The following MDN1 variants were observed in gnomAD, a reference collection of about 807,000 sequenced individuals.
MDN1 encodes midasin.
MDN1 carries 266 observed loss-of-function variants against 669.2 expected under a neutral mutation model. That is an observed-to-expected ratio of 0.40 (90% CI 0.36 to 0.44). The LOEUF (loss-of-function observed/expected upper bound fraction) is 0.44, where lower values mean the gene tolerates loss of function less well. Ranked by LOEUF, MDN1 falls within the 20% of genes least tolerant of loss-of-function variation. The pLI is 1.00. For missense variants in MDN1, 5,940 were observed against 6,754.0 expected (o/e 0.88, Z 4.22); for synonymous variants, 2,385 against 2,457.1 (o/e 0.97, Z 0.87).
At position 89,743,252 on chromosome 6, in the gene MDN1, T is replaced by G; in HGVS notation, c.4346A>C (p.Glu1449Ala). The G allele has an allele frequency of 6.2e-7, 1 of 1,614,108 alleles. No homozygotes were observed. The highest frequency in any genetic ancestry group is 8.5e-7 in the Non-Finnish European group (1 of 1,179,994). Residue 1449 changes from glutamate to alanine, a missense_variant, in exon 31 of 102, where the codon GAG becomes GCG. Around this residue, in one of 5 missense-constraint regions of MDN1, gnomAD observed 2,292 missense variants for 2,638.3 expected, o/e 0.87. Transcript: ENST00000369393. ...CTGAACCAGAGGCCCATCATGCCAC[T>G]CAAAGAGTCTTGATGTGTCAATTTC... is the stretch of plus-strand genomic sequence containing the variant. ...KEEIDTSRLF[E>A]WHDGPLVQAM...
rs762830487 is a variant in MDN1 at position 89,761,746 on chromosome 6, A to G, written c.2359T>C (p.Leu787=). 3 of 1,595,790 alleles carry G rather than the reference A, an allele frequency of 1.9e-6. No individual in the cohort carries two copies. The South Asian group carries it at 3.4e-5, about 18-fold the overall frequency. Residue 787 remains leucine, a splice_region_variant and synonymous_variant, in exon 17 of 102, where the codon TTA becomes CTA. Coordinates refer to ENST00000369393, the MANE Select transcript of MDN1 (RefSeq NM_014611.3). ...NKDGKDSETG[L]LIKEKWEAFG... Reference sequence around the variant, plus strand: ...GCTTCCCATTTCTCTTTTATGAGTAACCCTAAAAAAGAAAGACAAGAATTC... The same window carrying G: ...GCTTCCCATTTCTCTTTTATGAGTAGCCCTAAAAAAGAAAGACAAGAATTC...
intron 8 of MDN1, among the ~76,000 whole-genome samples, 197 bp downstream of exon 8, chr6:89,787,657 T>G (rs1819035803): frequency 6.7e-6 from 1 of 149,606 alleles, no homozygotes; most frequent in African/African-American, 2.5e-5. Context: ...TATTTTTAAG[T>G]CGGGGGGGGG....
At position 89,685,991 on chromosome 6, in the gene MDN1, G is replaced by C. The variant is rs764088281; in HGVS notation, c.11573-18C>G. The stretch of plus-strand genomic sequence containing the variant: ...TTTGTCATCTTTAAAAATTCAAAGA[G>C]AAAAATATATATGTTCCTTCGACCA... On this transcript the variant is annotated intron_variant, in intron 69 of 101. Coordinates refer to ENST00000369393, the MANE Select transcript of MDN1 (RefSeq NM_014611.3). The C allele has an allele frequency of 6.2e-7, 1 of 1,608,646 alleles. No individual in the cohort carries two copies. The highest frequency in any genetic ancestry group is 8.5e-7 in the Non-Finnish European group (1 of 1,178,236).
intron 75 of MDN1, 110 bp from the exon 76 acceptor site, chr6:89,677,806 G>T: frequency 7.0e-7 from 1 of 1,432,854 alleles, no homozygotes; most frequent in Non-Finnish European, 9.6e-7. Flanking sequence ...TCACCTGAGA[G>T]CTTGTTAGAA....
At chr6:89,676,712 C>A (rs987382586) in intron 76 of MDN1, among the ~76,000 whole-genome samples, 1 of 152,138 alleles carries the variant, frequency 6.6e-6, no homozygotes, top group African/African-American at 2.4e-5. Context: ...AAAAAGAATG[C>A]TTATGTAAAA....
intron 87 of MDN1, 28 bp downstream of exon 87, chr6:89,662,059 G>C (rs377404709): frequency 3.1e-6 from 5 of 1,601,034 alleles, no homozygotes; most frequent in South Asian, 1.1e-5. Context: ...TGAGTCAAGA[G>C]AGCGGATCAG....
intron 53 of MDN1, among the ~76,000 whole-genome samples, chr6:89,702,336 T>C (rs1813217428): frequency 6.6e-6 from 1 of 152,230 alleles, no homozygotes; most frequent in Admixed American, 6.5e-5. Flanking sequence ...AATTGCTGGG[T>C]CAAAGTATAG....
At chr6:89,669,196 GTCA>G (rs1810464797) in intron 83 of MDN1, among the ~76,000 whole-genome samples, 1 of 152,162 alleles carries the variant, frequency 6.6e-6, no homozygotes, top group Non-Finnish European at 1.5e-5. Context: ...TCTACAGCCT[GTCA>G]GACAAAAGCT....
intron 93 of MDN1, among the ~76,000 whole-genome samples, chr6:89,653,871 G>A (rs1482901433): frequency 6.6e-6 from 1 of 152,126 alleles, no homozygotes; most frequent in Admixed American, 6.5e-5. Context: ...CATAGCTGTA[G>A]TAAGTGTACT....
intron 53 of MDN1, among the ~76,000 whole-genome samples, chr6:89,704,774 G>T (rs1367942921): frequency 6.6e-6 from 1 of 152,140 alleles, no homozygotes; most frequent in African/African-American, 2.4e-5. Context: ...TAGAGATGGG[G>T]TTTCACCGTG....
chr6:89,750,392 TAAC>T lies in MDN1; in HGVS notation c.3365_3367del (p.Cys1122del). The T allele has an allele frequency of 6.2e-7, 1 of 1,613,648 alleles. No homozygotes were observed. The highest frequency in any genetic ancestry group is 8.5e-7 in the Non-Finnish European group (1 of 1,179,550). On this transcript the variant is annotated inframe_deletion, in exon 24 of 102. Coordinates refer to ENST00000369393, the MANE Select transcript of MDN1 (RefSeq NM_014611.3). ...AAGCTTCCCTGAGGAGTCAGACGTG[TAAC>T]AACCAATGTACTCCTGAATATCCGT...
rs766197694 is a variant in MDN1, at chr6:89,674,544, C to A, written c.12807G>T (p.Gly4269=). 5.2e-5 allele frequency: 83 copies of A among 1,596,524 alleles called. No homozygotes were observed. The highest frequency in any genetic ancestry group is 7.0e-5 in the Non-Finnish European group (82 of 1,175,906). The change falls in exon 79 of 102, where the codon GGG becomes GGT. Residue 4269 remains glycine, a synonymous_variant. Coordinates refer to ENST00000369393, the MANE Select transcript of MDN1 (RefSeq NM_014611.3). ...CVQEIHSRLM[G]PQAYPVAFPP... ...GGAAGGCCACGGGGTAGGCCTGGGG[C>A]CCCATCAGCCTGCTGTGAATCTCTT...
At chr6:89,744,988 G>A (rs1447264245) in intron 29 of MDN1, among the ~76,000 whole-genome samples, 1 of 148,494 alleles carries the variant, frequency 6.7e-6, no homozygotes, top group Non-Finnish European at 1.5e-5. Context: ...TTTTTTTTTA[G>A]GGTACATGTG....
intron 15 of MDN1, among the ~76,000 whole-genome samples, chr6:89,764,038 A>G (rs1252507894): frequency 6.6e-6 from 1 of 152,166 alleles, no homozygotes; most frequent in Non-Finnish European, 1.5e-5. Flanking sequence ...AACAAAGCCA[A>G]GATCTTGTCT....
chr6:89,688,752 G>C lies in MDN1; in HGVS notation c.11080C>G (p.His3694Asp). ...GSQLLACTLS[H>D]NTLFGEAPSD... ...GGTGCCTCCCCAAAAAGAGTGTTAT[G>C]GGAGAGGGTACAGGCCAAAAGTTGG... Residue 3694 changes from histidine to aspartate, a missense_variant, in exon 66 of 102, where the codon CAT becomes GAT. Physicochemically the swap from His to Asp is moderately conservative, Grantham distance 81. This residue lies in a region of MDN1 where 2,280 missense variants were observed against 2,576.3 expected (regional missense o/e 0.88). Coordinates refer to ENST00000369393, the MANE Select transcript of MDN1 (RefSeq NM_014611.3). 1 of 1,614,178 alleles carries C rather than the reference G, an allele frequency of 6.2e-7. No individual in the cohort carries two copies. Among genetic ancestry groups the C allele is most frequent in the Non-Finnish European group, 8.5e-7 (1 of 1,180,018 alleles).
chr6:89,742,285 C>A (rs1386317459), intron 31 of MDN1, among the ~76,000 whole-genome samples: 2 of 152,062 alleles, frequency 1.3e-5, no homozygotes, highest in Non-Finnish European at 2.9e-5. Flanking sequence ...TGATGGCACA[C>A]ATGTGTAGCC....
At position 89,675,529 on chromosome 6, in the gene MDN1, C is replaced by G; in HGVS notation, c.12696G>C (p.Leu4232Phe). The change falls in exon 78 of 102, where the codon TTG becomes TTC. Residue 4232 changes from leucine (L) to phenylalanine (F), a missense_variant. Around this residue, in one of 5 missense-constraint regions of MDN1, gnomAD observed 2,280 missense variants for 2,576.3 expected, o/e 0.88. Coordinates refer to ENST00000369393, the MANE Select transcript of MDN1 (RefSeq NM_014611.3). The part of the protein sequence containing the change: ...VERCRGFSAH[L>F]MKMLVRQRRS... ...GCCGCTGTCGGACGAGCATCTTCATCAAATGTGCTGAGAACCCTCTGCACC... is the reference window on the plus strand; with the variant it reads ...GCCGCTGTCGGACGAGCATCTTCATGAAATGTGCTGAGAACCCTCTGCACC... 1.2e-6 allele frequency: 2 copies of G among 1,613,986 alleles called. No individual in the cohort carries two copies. Among genetic ancestry groups the G allele is most frequent in the Non-Finnish European group, 1.7e-6 (2 of 1,180,026 alleles).
rs1310399460 is a variant in MDN1 at position 89,689,915 on chromosome 6, A to G, written c.10978T>C (p.Tyr3660His). Residue 3660 changes from tyrosine (Y) to histidine (H), a missense_variant, in exon 65 of 102, where the codon TAT (tyrosine) becomes CAT (histidine). Around this residue, in one of 5 missense-constraint regions of MDN1, gnomAD observed 2,280 missense variants for 2,576.3 expected, o/e 0.88. Coordinates refer to ENST00000369393, the MANE Select transcript of MDN1 (RefSeq NM_014611.3). The part of the protein sequence containing the change: ...KHYLSLFLSC[Y>H]QTGASLVTHF... ...GTCACAAGCGATGCCCCAGTCTGATAGCAAGACAGAAACAGGCTGAGGTAA... is the reference window on the plus strand; with the variant it reads ...GTCACAAGCGATGCCCCAGTCTGATGGCAAGACAGAAACAGGCTGAGGTAA... The G allele has an allele frequency of 2.5e-6, 4 of 1,614,250 alleles. No homozygotes were observed. Among genetic ancestry groups the G allele is most frequent in the Non-Finnish European group, 3.4e-6 (4 of 1,180,042 alleles).
intron 1 of MDN1, among the ~76,000 whole-genome samples, chr6:89,807,059 C>G (rs1768070800): frequency 6.6e-6 from 1 of 152,088 alleles, no homozygotes; most frequent in Admixed American, 6.6e-5. Context: ...TTTTTACATA[C>G]AAAATCCTGT....
Sources: gnomAD v4.1 joint callset for allele counts (sites outside exome capture counted in the v4.1 genomes callset) on GRCh38, gnomAD v4.1.1 for gene constraint, gnomAD v4.1.1 regional missense constraint, MANE v1.5 for transcripts, NCBI Gene and HGNC (gene_info 2026-07-23, HGNC 2026-07-21) for gene names.